SMC1B: variants seen among roughly 807,000 people sequenced by gnomAD.
SMC1B encodes structural maintenance of chromosomes 1B.
A neutral mutation model predicts 157.9 loss-of-function variants in SMC1B; 60 were observed. The observed-to-expected ratio is 0.38, with a 90% CI of 0.31 to 0.47. SMC1B has a LOEUF of 0.47. SMC1B is among the 20% of genes least tolerant of loss of function. SMC1B has a pLI of 0.99. For missense variants in SMC1B, 1,165 were observed against 1,426.2 expected, an observed-to-expected ratio of 0.82 and a Z score of 2.95; for synonymous variants, 445 against 483.0, an observed-to-expected ratio of 0.92 and a Z score of 1.03.
chr22:45,352,601 G>T lies in SMC1B; in HGVS notation c.3275C>A (p.Ala1092Glu). Residue 1092 changes from alanine to glutamate, a missense_variant and splice_region_variant, in exon 22 of 25, where the codon GCA becomes GAA. Transcript: ENST00000357450. ...KKLCRNNSAQ[A>E]FLSPENPEEP... ...TTCAGGGTTCTCTGGGCTAAGAAAT[G>T]CCTGAAACGCATGTTATTTATTTAG... The T allele has an allele frequency of 6.3e-7, 1 of 1,596,012 alleles. No homozygotes were observed. Among genetic ancestry groups the T allele is most frequent in the East Asian group, 2.2e-5 (1 of 44,710 alleles).
chr22:45,349,001 G>T (rs1365714945), intron 23 of SMC1B, among the ~76,000 whole-genome samples: 1 of 148,414 alleles, frequency 6.7e-6, no homozygotes, highest in Non-Finnish European at 1.5e-5. Flanking sequence ...ACCAAGCCCA[G>T]CCTACAAGGA....
chr22:45,349,015 A>ATTTT (rs1183927337), intron 23 of SMC1B, among the ~76,000 whole-genome samples: 4 of 99,692 alleles, frequency 4.0e-5, no homozygotes, highest in East Asian at 2.9e-4. Context: ...ACAAGGACTG[A>ATTTT]TTTTTTTTTT....
intron 4 of SMC1B, among the ~76,000 whole-genome samples, chr22:45,403,470 T>TTGTC (rs2087220226): frequency 6.6e-6 from 1 of 151,910 alleles, no homozygotes; most frequent in African/African-American, 2.4e-5. Context: ...GTTTGTTTGT[T>TTGTC]TGAAACAGAG....
chr22:45,412,141 A>C (rs2087344689), intron 1 of SMC1B, among the ~76,000 whole-genome samples: 1 of 152,102 alleles, frequency 6.6e-6, no homozygotes, highest in Non-Finnish European at 1.5e-5. Flanking sequence ...CGGCCTCCCA[A>C]AGTGCTGGGA....
At chr22:45,401,919 T>C (rs546885571) in intron 5 of SMC1B, among the ~76,000 whole-genome samples, 1 of 151,984 alleles carries the variant, frequency 6.6e-6, no homozygotes, top group Non-Finnish European at 1.5e-5. Flanking sequence ...AGTCTCACGC[T>C]GTTGCCCAGG....
chr22:45,347,477 C>G (rs538041276), intron 23 of SMC1B, among the ~76,000 whole-genome samples: 1 of 152,278 alleles, frequency 6.6e-6, no homozygotes, highest in Non-Finnish European at 1.5e-5. Flanking sequence ...ACAGAGTAAG[C>G]AATCAAGGAG....
chr22:45,406,883 A>T lies in SMC1B; in HGVS notation c.299-18T>A. The T allele has an allele frequency of 6.6e-7, 1 of 1,514,542 alleles. No homozygotes were observed. Among genetic ancestry groups the T allele is most frequent in the East Asian group, 2.3e-5 (1 of 43,426 alleles). The allele number at this position is 1,514,542 out of a possible 1,614,324, so 93.8% of individuals were successfully genotyped here. A position where few individuals can be genotyped will look rare whatever the true frequency, so the allele number is the denominator to read the frequency against. ...GCATCCCCCTAAAATAAAAAAATAA[A>T]CCCTGTTAAAAAATATATAAATACC... is the stretch of plus-strand genomic sequence containing the variant. On this transcript the variant is annotated intron_variant, in intron 2 of 24. Transcript: ENST00000357450.
At position 45,344,636 on chromosome 22, in the gene SMC1B, G is replaced by A. The variant is rs2086532596; in HGVS notation, c.3628C>T (p.Arg1210Ter). Reference protein sequence around the residue: ...YPEYDDCMFSRVLTLDLSQYP... With the variant: ...YPEYDDCMFS ...TGAGAAAGATCTAGGGTCAAAACTC[G>A]GCTGAACATGCAGTCATCGTACTAA... Residue 1210 changes from arginine (R) to a stop codon, truncating the protein, a stop_gained, in exon 25 of 25, where the codon CGA becomes TGA. Transcript: ENST00000357450. LOFTEE classifies it low-confidence loss of function (END_TRUNC). 1 of 1,613,742 alleles carries A rather than the reference G, an allele frequency of 6.2e-7. No individual in the cohort carries two copies. Among genetic ancestry groups the A allele is most frequent in the Non-Finnish European group, 8.5e-7 (1 of 1,179,692 alleles).
intron 10 of SMC1B, 114 bp from the exon 11 acceptor site, chr22:45,387,160 T>G (rs1297647434): frequency 3.2e-6 from 3 of 936,892 alleles, no homozygotes; most frequent in Non-Finnish European, 4.7e-6. Context: ...ATCAACAGTA[T>G]GTACCCAGCC....
intron 8 of SMC1B, among the ~76,000 whole-genome samples, chr22:45,394,343 A>G (rs149090873): frequency 1.3e-5 from 2 of 151,982 alleles, no homozygotes; most frequent in Admixed American, 6.5e-5. Flanking sequence ...GAAGAAATAC[A>G]TAAATAAGAA....
chr22:45,394,645 A>T (rs1193800806), intron 8 of SMC1B, 40 bp downstream of exon 8: 1 of 1,483,078 alleles, frequency 6.7e-7, no homozygotes, highest in Admixed American at 2.4e-5. Flanking sequence ...TCAAAAAATA[A>T]AAGAAAATTG....
At chr22:45,354,161 A>C (rs2086646978) in intron 20 of SMC1B, 29 bp from the exon 21 acceptor site, 5 of 1,507,112 alleles carry the variant, frequency 3.3e-6, no homozygotes, top group Non-Finnish European at 3.5e-6. Flanking sequence ...TCTTTATTTT[A>C]GAGACCACTG....
intron 1 of SMC1B, 93 bp downstream of exon 1, chr22:45,413,366 C>T: frequency 1.0e-6 from 1 of 1,004,184 alleles, no homozygotes. Context: ...GGCCAGGCGC[C>T]CGCGGCAGAC....
rs1260500469 is a variant in SMC1B at position 45,353,923 on chromosome 22, A to AAAC, written c.3273+54_3273+55insGTT. 32 of 1,036,898 alleles carry AAAC rather than the reference A, an allele frequency of 3.1e-5. 1 individual carries two copies. Among genetic ancestry groups the AAAC allele is most frequent in the African/African-American group, 4.9e-5 (3 of 60,718 alleles). The allele number at this position is 1,036,898 out of a possible 1,614,324, so 64.2% of individuals were successfully genotyped here. On this transcript the variant is annotated intron_variant, in intron 21 of 24. Coordinates refer to ENST00000357450, the MANE Select transcript of SMC1B (RefSeq NM_148674.5). ...AAAAAAAAAAAAAAAAAAAAAAACA[A>AAAC]CCACCACCGGTAACACAGAATTCTC...
chr22:45,396,194 T>C, intron 7 of SMC1B, 152 bp downstream of exon 7: 1 of 644,504 alleles, frequency 1.6e-6, no homozygotes. Context: ...TTATGGCTAT[T>C]ATATTTGTAT....
intron 5 of SMC1B, among the ~76,000 whole-genome samples, chr22:45,400,495 A>G (rs572972052): frequency 6.6e-6 from 1 of 152,346 alleles, no homozygotes; most frequent in Non-Finnish European, 1.5e-5. Context: ...CCATAAATCT[A>G]TACTGATGTA....
rs563761741 is a variant in SMC1B at position 45,363,804 on chromosome 22, C to T, written c.2421-778G>A. Among the ~76,000 whole-genome samples, 75 of 152,104 alleles carry T rather than the reference C, an allele frequency of 4.9e-4. 1 individual carries two copies. In the South Asian group the frequency reaches 0.014, roughly 29 times the overall value. ...TTTTATAATCTACAGATTTCCTCTC[C>T]TCTTTTTCTTTATGTGTTTATTCTT... is the stretch of plus-strand genomic sequence containing the variant. On this transcript the variant is annotated intron_variant, in intron 15 of 24. Transcript: ENST00000357450.
chr22:45,363,296 G>A (rs530006524), intron 15 of SMC1B, among the ~76,000 whole-genome samples: 12 of 152,298 alleles, frequency 7.9e-5, no homozygotes, highest in African/African-American at 2.9e-4. Flanking sequence ...TGTATCTCTA[G>A]AAGTGAAATG....
In SMC1B at chr22:45,372,167, A is replaced by C. The variant is rs1651628771; in HGVS notation, c.2184T>G (p.Val728=). 6.2e-7 allele frequency: 1 copy of C among 1,605,084 alleles called. No homozygotes were observed. Among genetic ancestry groups the C allele is most frequent in the South Asian group, 1.1e-5 (1 of 88,672 alleles). The change falls in exon 13 of 25, where the codon GTT becomes GTG. Residue 728 remains valine (V), a synonymous_variant. Coordinates refer to ENST00000357450, the MANE Select transcript of SMC1B (RefSeq NM_148674.5). ...AAGTCTATATTACCTGGTAAAAAGC[A>C]ACAAGGTGCTTCTTCTTAATCATCT... ...ELEMIKKKHL[V]AFYQEQSQLQ... is the part of the protein sequence containing the mutation.
Sources: allele counts gnomAD v4.1 joint callset (sites outside exome capture counted in the v4.1 genomes callset), GRCh38; gene constraint gnomAD v4.1.1; transcripts MANE v1.5; gene names NCBI Gene and HGNC (gene_info 2026-07-23, HGNC 2026-07-21).